Variants in MAP3K15 observed in about 807,000 individuals in gnomAD.
The protein encoded by MAP3K15 is MAPK/ERK kinase kinase 15.
In MAP3K15, 124 loss-of-function variants were observed where a neutral mutation model predicts 99.5. That is an observed-to-expected ratio of 1.25 (90% CI 1.08 to 1.45). The LOEUF is 1.45. MAP3K15 is among the 40% of genes most tolerant of loss of function. The probability of loss-of-function intolerance (pLI) is 0.00; values close to 1 mark genes in which losing one functional copy is unlikely to be tolerated. For missense variants in MAP3K15, 1,242 were observed against 1,079.7 expected, an observed-to-expected ratio of 1.15 and a Z score of -2.11; for synonymous variants, 494 against 439.6, an observed-to-expected ratio of 1.12 and a Z score of -1.55.
At chrX:19,469,915 G>A (rs1162681384) in intron 3 of MAP3K15, among the ~76,000 whole-genome samples, 1 of 109,114 alleles carries the variant, frequency 9.2e-6, no homozygotes. Context: ...GTGCTGGAGA[G>A]GATGTGGAGA....
chrX:19,464,538 G>T, intron 3 of MAP3K15, 132 bp from the exon 4 acceptor site: 1 of 460,660 alleles, frequency 2.2e-6, no homozygotes, highest in Non-Finnish European at 3.6e-6. Flanking sequence ...ATACGACTAT[G>T]GATCTATTAG....
chrX:19,413,686 G>A (rs192292897), intron 10 of MAP3K15, among the ~76,000 whole-genome samples: 1 of 56,037 alleles, frequency 1.8e-5, no homozygotes, highest in African/African-American at 7.4e-5. Flanking sequence ...TTGGGGGGGG[G>A]GGTGGGGAAG....
intron 6 of MAP3K15, among the ~76,000 whole-genome samples, chrX:19,451,021 C>T (rs769448585): frequency 1.8e-5 from 2 of 109,261 alleles, no homozygotes; most frequent in South Asian, 4.0e-4. Flanking sequence ...TGCAGTGGCT[C>T]ACGCCTGTAA....
At chrX:19,485,091 T>C (rs1396475572) in intron 3 of MAP3K15, among the ~76,000 whole-genome samples, 1 of 110,115 alleles carries the variant, frequency 9.1e-6, no homozygotes, top group Non-Finnish European at 1.9e-5. Flanking sequence ...GGCAGATCAC[T>C]TGAGGTCAGG....
At position 19,369,109 on chromosome X, in the gene MAP3K15, G is replaced by A. The variant is rs769504223; in HGVS notation, c.3511C>T (p.Pro1171Ser). ...TGGAGGCTCAGGTGCTGCTGGTGGG[G>A]CTGGGCCTCCTGGCCAGGTCCGGTG... ...PATGPGQEAQ[P>S]HQQHLSLQLG... is the part of the protein sequence containing the mutation. Residue 1171 changes from proline to serine, a missense_variant, in exon 25 of 29, where the codon CCC becomes TCC. Transcript: ENST00000338883. 2.0e-5 allele frequency: 24 copies of A among 1,210,313 alleles called. No homozygotes were observed. The highest frequency in any genetic ancestry group is 2.7e-5 in the Non-Finnish European group (24 of 895,006).
intron 6 of MAP3K15, among the ~76,000 whole-genome samples, chrX:19,449,360 A>G (rs774506452): frequency 9.1e-6 from 1 of 110,243 alleles, no homozygotes; most frequent in East Asian, 2.8e-4. Context: ...GAGTTTAATT[A>G]GCTTGACAAC....
chrX:19,456,022 G>C (rs765910431), intron 6 of MAP3K15, among the ~76,000 whole-genome samples: 21 of 111,382 alleles, frequency 1.9e-4, no homozygotes, highest in African/African-American at 5.2e-4. Flanking sequence ...TTGGGATGCT[G>C]GGTTTAAAGG....
intron 19 of MAP3K15, among the ~76,000 whole-genome samples, chrX:19,379,523 C>T (rs2063443932): frequency 1.0e-5 from 1 of 97,555 alleles, no homozygotes; most frequent in Admixed American, 1.1e-4. Context: ...TCTCGGCTCA[C>T]TGCAACCTCT....
intron 1 of MAP3K15, among the ~76,000 whole-genome samples, chrX:19,494,725 C>T (rs183527465): frequency 9.1e-6 from 1 of 110,407 alleles, no homozygotes; most frequent in African/African-American, 3.3e-5. Flanking sequence ...GTCTATCTAA[C>T]TCCCTGCAGA....
chrX:19,384,933 A>G, intron 18 of MAP3K15, among the ~76,000 whole-genome samples: 1 of 110,738 alleles, frequency 9.0e-6, no homozygotes, highest in Non-Finnish European at 1.9e-5. Context: ...ATAAATATAT[A>G]TACCTGCTAT....
At position 19,425,593 on chromosome X, in the gene MAP3K15, G is replaced by A. The variant is rs56292424; in HGVS notation, c.1377C>T (p.Ala459=). 3.4e-4 allele frequency: 412 copies of A among 1,197,319 alleles called. No homozygotes were observed. Among genetic ancestry groups the A allele is most frequent in the South Asian group, 1.4e-3 (77 of 56,457 alleles). The stretch of plus-strand genomic sequence containing the variant: ...CCTGGACGGCTTTCCCGACATCATG[G>A]GCCAGCATGCTGACGCTGAAGAACT... ...VGQFFSVSML[A]HDVGKAVQAA... is the part of the protein sequence containing the mutation. The change falls in exon 9 of 29, where the codon GCC becomes GCT. Residue 459 remains alanine (A), a synonymous_variant. Coordinates refer to ENST00000338883, the MANE Select transcript of MAP3K15 (RefSeq NM_001001671.4).
At chrX:19,473,853 A>G (rs1164247420) in intron 3 of MAP3K15, among the ~76,000 whole-genome samples, 1 of 112,341 alleles carries the variant, frequency 8.9e-6, no homozygotes, top group African/African-American at 3.2e-5. Context: ...ACTCATTACA[A>G]AAGCTTAATT....
intron 18 of MAP3K15, among the ~76,000 whole-genome samples, chrX:19,389,988 T>C (rs1048429585): frequency 2.7e-5 from 3 of 112,193 alleles, no homozygotes; most frequent in Non-Finnish European, 5.6e-5. Context: ...TTTGGGAGAT[T>C]CTGATAGTGT....
intron 7 of MAP3K15, among the ~76,000 whole-genome samples, chrX:19,428,802 A>G (rs1359344394): frequency 9.0e-6 from 1 of 111,104 alleles, no homozygotes; most frequent in Non-Finnish European, 1.9e-5. Flanking sequence ...CCCCATCTCT[A>G]TTAAAAATAC....
intron 1 of MAP3K15, among the ~76,000 whole-genome samples, chrX:19,492,762 T>G (rs2064376431): frequency 9.0e-6 from 1 of 110,982 alleles, no homozygotes; most frequent in African/African-American, 3.3e-5. Context: ...AGGTCAGTAG[T>G]TTGAGACCAG....
intron 5 of MAP3K15, among the ~76,000 whole-genome samples, chrX:19,459,189 G>A (rs2064114245): frequency 8.9e-6 from 1 of 111,787 alleles, no homozygotes; most frequent in Non-Finnish European, 1.9e-5. Context: ...GGACAACGGA[G>A]CATCAGTCTC....
intron 6 of MAP3K15, among the ~76,000 whole-genome samples, chrX:19,455,694 TG>T (rs1207236198): frequency 9.2e-6 from 1 of 109,226 alleles, no homozygotes; most frequent in Non-Finnish European, 1.9e-5. Flanking sequence ...TTTACTCTTT[TG>T]TTATTTTGAG....
intron 1 of MAP3K15, among the ~76,000 whole-genome samples, chrX:19,495,744 G>C (rs182109192): frequency 1.1e-3 from 128 of 111,569 alleles, no homozygotes; most frequent in African/African-American, 4.0e-3. Context: ...TTCATCTTTT[G>C]CAAATACATA....
At chrX:19,459,554 A>G (rs1410349770) in intron 5 of MAP3K15, among the ~76,000 whole-genome samples, 2 of 112,388 alleles carry the variant, frequency 1.8e-5, no homozygotes, top group Non-Finnish European at 3.8e-5. Context: ...TTTGTCTATA[A>G]AACGGCCACC....
Sources: allele counts gnomAD v4.1 joint callset (sites outside exome capture counted in the v4.1 genomes callset), GRCh38; gene constraint gnomAD v4.1.1; transcripts MANE v1.5; gene names NCBI Gene and HGNC (gene_info 2026-07-23, HGNC 2026-07-21).